The following RPS6KA2 variants were observed in gnomAD, a reference collection of about 807,000 sequenced individuals.
RPS6KA2 encodes the protein ribosomal protein S6 kinase A2.
In RPS6KA2, 42 loss-of-function variants were observed where a neutral mutation model predicts 91.8. That is an observed-to-expected ratio of 0.46 (90% CI 0.36 to 0.59). The LOEUF (loss-of-function observed/expected upper bound fraction) is 0.59. Among genes scored for constraint, RPS6KA2 ranks in the 20% least tolerant of loss-of-function variants. The pLI is 0.00. For synonymous variants in RPS6KA2, 414 were observed against 393.6 expected (o/e 1.05, Z -0.61); for missense variants, 798 against 978.5 (o/e 0.82, Z 2.46).
intron 2 of RPS6KA2, among the ~76,000 whole-genome samples, chr6:166,703,389 C>T (rs932828058): frequency 2.0e-5 from 3 of 152,210 alleles, no homozygotes; most frequent in Admixed American, 6.5e-5. Context: ...GCCTCCTACA[C>T]GGGGTTCAAT....
chr6:166,799,967 G>T (rs1277705619), intron 2 of RPS6KA2, among the ~76,000 whole-genome samples: 1 of 152,150 alleles, frequency 6.6e-6, no homozygotes, highest in Non-Finnish European at 1.5e-5. Context: ...CAGGAGATGC[G>T]CTAAGCACAG....
chr6:166,832,875 C>T (rs1440705200), intron 2 of RPS6KA2, among the ~76,000 whole-genome samples: 4 of 152,172 alleles, frequency 2.6e-5, no homozygotes, highest in Non-Finnish European at 5.9e-5. Context: ...ACTTTAATCA[C>T]GATACCTTAA....
chr6:166,661,040 A>G (rs1413139514), intron 2 of RPS6KA2, among the ~76,000 whole-genome samples: 1 of 152,344 alleles, frequency 6.6e-6, no homozygotes, highest in East Asian at 1.9e-4. Context: ...TTTCTCAAAT[A>G]ATGCCTGTTA....
At chr6:166,501,159 G>A (rs767206497) in intron 6 of RPS6KA2, among the ~76,000 whole-genome samples, 2 of 152,212 alleles carry the variant, frequency 1.3e-5, no homozygotes, top group Non-Finnish European at 2.9e-5. Flanking sequence ...TGGATAAAGG[G>A]ATGTGTGTTC....
In RPS6KA2 at chr6:166,691,384, C is replaced by T. The variant is rs572875257; in HGVS notation, c.124-152600G>A. 9.2e-5 allele frequency among the ~76,000 whole-genome samples: 14 copies of T among 152,336 alleles called. No homozygotes were observed. In the South Asian group the frequency reaches 2.9e-3, roughly 32 times the overall value. The stretch of plus-strand genomic sequence containing the variant: ...CTCTCCACTCCAGTCCAGCCTGAGA[C>T]CTGCCAGGCTATTCCCAAAATAACT... On this transcript the variant is annotated intron_variant, in intron 2 of 21. Coordinates refer to the RPS6KA2 transcript ENST00000503859.
intron 2 of RPS6KA2, among the ~76,000 whole-genome samples, chr6:166,814,641 A>C (rs555434509): frequency 6.6e-6 from 1 of 152,274 alleles, no homozygotes; most frequent in Non-Finnish European, 1.5e-5. Flanking sequence ...TCAATCGCTC[A>C]CATTACTGCC....
chr6:166,566,134 G>A (rs868262461), intron 1 of RPS6KA2, among the ~76,000 whole-genome samples: 4 of 152,220 alleles, frequency 2.6e-5, no homozygotes, highest in African/African-American at 9.6e-5. Flanking sequence ...ATCCTAGGGT[G>A]TACAGAAAGG....
At chr6:166,855,362 A>AGCT (rs201499507) in intron 2 of RPS6KA2, among the ~76,000 whole-genome samples, 20,116 of 90,134 alleles carry the variant, frequency 0.22, 1,712 homozygotes, top group Non-Finnish European at 0.38. Context: ...ACAAAGATGA[A>AGCT]GATGAAGAAG....
At chr6:166,681,855 C>T (rs1788827212) in intron 2 of RPS6KA2, among the ~76,000 whole-genome samples, 1 of 152,092 alleles carries the variant, frequency 6.6e-6, no homozygotes, top group Non-Finnish European at 1.5e-5. Flanking sequence ...CTGTCCTCTG[C>T]TGGGAATGCC....
intron 2 of RPS6KA2, among the ~76,000 whole-genome samples, chr6:166,777,577 T>C (rs994992976): frequency 2.0e-5 from 3 of 151,782 alleles, no homozygotes; most frequent in Non-Finnish European, 2.9e-5. Context: ...TATTCAGGAG[T>C]ATTAAAGAAG....
intron 1 of RPS6KA2, among the ~76,000 whole-genome samples, chr6:166,566,462 TCCA>T (rs947002623): frequency 6.6e-6 from 1 of 152,198 alleles, no homozygotes; most frequent in African/African-American, 2.4e-5. Flanking sequence ...GGTCTGCCCA[TCCA>T]CCACATCACC....
chr6:166,715,914 T>C (rs544344957), intron 2 of RPS6KA2, among the ~76,000 whole-genome samples: 91 of 151,826 alleles, frequency 6.0e-4, no homozygotes, highest in Non-Finnish European at 9.4e-4. Context: ...GACGCATGCC[T>C]GTAATCCCAG....
At chr6:166,450,284 A>G (rs76964088) in intron 13 of RPS6KA2, among the ~76,000 whole-genome samples, 39,932 of 143,426 alleles carry the variant, frequency 0.28, 5,010 homozygotes, top group Middle Eastern at 0.37. Flanking sequence ...GGGTACCACC[A>G]GGGAACCACC....
At chr6:166,454,362 G>C (rs1016188864) in intron 12 of RPS6KA2, among the ~76,000 whole-genome samples, 1 of 152,094 alleles carries the variant, frequency 6.6e-6, no homozygotes, top group African/African-American at 2.4e-5. Flanking sequence ...GCCAGGCGGG[G>C]TGGCGCACGC....
intron 2 of RPS6KA2, among the ~76,000 whole-genome samples, chr6:166,844,761 G>A (rs1161784258): frequency 6.6e-6 from 1 of 152,146 alleles, no homozygotes; most frequent in Non-Finnish European, 1.5e-5. Flanking sequence ...TACGAGAACT[G>A]CTAGAAGGAG....
chr6:166,415,730 A>G (rs1778473645), intron 19 of RPS6KA2, among the ~76,000 whole-genome samples: 1 of 152,126 alleles, frequency 6.6e-6, no homozygotes, highest in African/African-American at 2.4e-5. Flanking sequence ...ATCTACACTC[A>G]TTTAAGACAA....
intron 10 of RPS6KA2, among the ~76,000 whole-genome samples, chr6:166,478,415 G>C (rs184111150): frequency 6.6e-6 from 1 of 152,128 alleles, no homozygotes; most frequent in Admixed American, 6.5e-5. Flanking sequence ...ATCAGACCCC[G>C]GGCAAGGCGG....
rs770192260 is a variant in RPS6KA2 at position 166,423,071 on chromosome 6, C to T, written c.1743+185G>A. Among the ~76,000 whole-genome samples the T allele has an allele frequency of 4.1e-4, 62 of 152,220 alleles. No homozygotes were observed. Among genetic ancestry groups the T allele is most frequent in the Non-Finnish European group, 6.8e-4 (46 of 68,040 alleles). ...AAAATGAGAATGATAAGAACAACTA[C>T]GTTTAAGCAAGATTGGCCCCTGGCT... is the stretch of plus-strand genomic sequence containing the variant. On this transcript the variant is annotated intron_variant, in intron 17 of 20. Coordinates refer to ENST00000265678, the MANE Select transcript of RPS6KA2 (RefSeq NM_021135.6). This position sits in a 1 kb window ranked among gnomAD's most constrained non-coding sequence, Gnocchi z 4.8.
intron 1 of RPS6KA2, among the ~76,000 whole-genome samples, chr6:166,595,065 T>A (rs543915873): frequency 6.6e-6 from 1 of 152,006 alleles, no homozygotes; most frequent in East Asian, 1.9e-4. Flanking sequence ...TTTTTGTTTT[T>A]TTTTGAGACA....
Sources: allele counts gnomAD v4.1 joint callset (sites outside exome capture counted in the v4.1 genomes callset), GRCh38; gene constraint gnomAD v4.1.1; non-coding constraint Gnocchi (gnomAD v3.1); transcripts MANE v1.5; gene names NCBI Gene and HGNC (gene_info 2026-07-23, HGNC 2026-07-21).